SYPL2: variants seen among roughly 807,000 people sequenced by gnomAD.
The protein encoded by SYPL2 is synaptophysin-like protein 2.
Under a neutral mutation model 31.3 loss-of-function variants are expected in SYPL2, and 24 were observed. The ratio of observed to expected loss-of-function variants is 0.77; its 90% CI spans 0.56 to 1.08. The LOEUF (loss-of-function observed/expected upper bound fraction) is 1.08, where lower values mean the gene tolerates loss of function less well. Among genes scored for constraint, SYPL2 ranks in the 50% least tolerant of loss-of-function variants. The probability of loss-of-function intolerance (pLI) is 0.00; values close to 1 mark genes in which losing one functional copy is unlikely to be tolerated. For synonymous variants in SYPL2, 144 were observed against 143.1 expected (o/e 1.01, Z -0.05); for missense variants, 342 against 360.1 (o/e 0.95, Z 0.41).
intron 2 of SYPL2, among the ~76,000 whole-genome samples, chr1:109,472,312 A>G (rs925778342): frequency 2.6e-5 from 4 of 151,328 alleles, no homozygotes; most frequent in African/African-American, 9.7e-5. Flanking sequence ...AAAGTTGGCT[A>G]GTCTCAAACT....
chr1:109,474,430 C>T (rs1655935054), intron 2 of SYPL2, among the ~76,000 whole-genome samples: 4 of 151,090 alleles, frequency 2.6e-5, no homozygotes, highest in African/African-American at 7.3e-5. Flanking sequence ...CTCCGCCTCC[C>T]GGGTTCAAGT....
At chr1:109,473,314 C>T (rs1312300574) in intron 2 of SYPL2, among the ~76,000 whole-genome samples, 2 of 152,158 alleles carry the variant, frequency 1.3e-5, no homozygotes, top group Non-Finnish European at 2.9e-5. Flanking sequence ...GTTTTACTGT[C>T]TTCTTTCCCA....
Position 109,476,976 on chromosome 1 carries a change from TG to T in SYPL2, c.456+1del. The T allele has an allele frequency of 6.2e-7, 1 of 1,614,150 alleles. No homozygotes were observed. The highest frequency in any genetic ancestry group is 8.5e-7 in the Non-Finnish European group (1 of 1,180,026). ...LYTENKRFPL[V>X]DFCVTVSFTF... The stretch of plus-strand genomic sequence containing the variant: ...ACAGAGAACAAACGCTTCCCGCTGG[TG>T]GTGAGTCAGCACAGGCCAGAAGGAA... On this transcript the variant is annotated frameshift_variant and splice_region_variant, in exon 4 of 6. Transcript: ENST00000369872. LOFTEE classifies it high-confidence loss of function.
At chr1:109,470,593 A>G (rs12137189) in intron 2 of SYPL2, among the ~76,000 whole-genome samples, 92,802 of 152,076 alleles carry the variant, frequency 0.61, 31,015 homozygotes, top group East Asian at 0.96. Flanking sequence ...CCCTTGTCTC[A>G]GGTCCTCTAC....
intron 4 of SYPL2, 85 bp from the exon 5 acceptor site, chr1:109,477,733 T>C: frequency 6.6e-7 from 1 of 1,525,418 alleles, no homozygotes; most frequent in Non-Finnish European, 8.8e-7. Flanking sequence ...CACCCTGGGA[T>C]TGCCAGTATC....
At chr1:109,473,258 T>C (rs143462213) in intron 2 of SYPL2, among the ~76,000 whole-genome samples, 2 of 152,288 alleles carry the variant, frequency 1.3e-5, no homozygotes, top group African/African-American at 2.4e-5. Flanking sequence ...ACTGCAGTCT[T>C]CATCATTTAA....
At chr1:109,476,168 G>T (rs949576798) in intron 3 of SYPL2, among the ~76,000 whole-genome samples, 4 of 152,216 alleles carry the variant, frequency 2.6e-5, no homozygotes, top group African/African-American at 9.6e-5. Flanking sequence ...CAGGGAGGTA[G>T]AAGTGATCTC....
chr1:109,475,771 T>C (rs978185897), intron 3 of SYPL2, 66 bp downstream of exon 3: 181 of 1,565,202 alleles, frequency 1.2e-4, no homozygotes, highest in Non-Finnish European at 1.4e-4. Context: ...CTGCTTGGTC[T>C]CTTCCTCCTC....
Position 109,478,167 on chromosome 1 carries a change from C to T in SYPL2, c.648+158C>T. On this transcript the variant is annotated intron_variant, in intron 5 of 5. Transcript: ENST00000369872. The surrounding 1 kb of genome is among the most constrained non-coding windows in gnomAD (Gnocchi z 4.0). ...TGCGCTTCATGCTGGCTGCTGGCTC[C>T]TGGCTGACCCTGAGAGGACATTTTG... The T allele has an allele frequency of 7.0e-7, 1 of 1,424,528 alleles. No homozygotes were observed. The highest frequency in any genetic ancestry group is 1.5e-5 in the South Asian group (1 of 66,764). The allele number at this position is 1,424,528 out of a possible 1,614,324, so 88.2% of individuals were successfully genotyped here. A position where few individuals can be genotyped will look rare whatever the true frequency, so the allele number is the denominator to read the frequency against.
In SYPL2 at chr1:109,474,187, C is replaced by T. The variant is rs558035984; in HGVS notation, c.130-1394C>T. On this transcript the variant is annotated intron_variant, in intron 2 of 5. Coordinates refer to ENST00000369872, the MANE Select transcript of SYPL2 (RefSeq NM_001040709.2). ...GAGAGTGAACAATTAAGAGAATAAG[C>T]TCATTGCTTAATAAGAACATGACAT... is the stretch of plus-strand genomic sequence containing the variant. 2.0e-4 allele frequency among the ~76,000 whole-genome samples: 30 copies of T among 152,262 alleles called. 1 individual carries two copies. The highest frequency in any genetic ancestry group is 3.8e-4 in the Non-Finnish European group (26 of 68,008).
rs956051979 is a variant in SYPL2 at position 109,467,106 on chromosome 1, G to A, written c.102G>A (p.Pro34=). 1.0e-5 allele frequency: 16 copies of A among 1,544,448 alleles called. No individual in the cohort carries two copies. The highest frequency in any genetic ancestry group is 1.2e-5 in the Non-Finnish European group (14 of 1,145,898). ...TGCGCTGGCGGCGGCTGGAGGAGCC[G>A]CTGGGCTTCATCAAAGTTCTCCAGT... The part of the protein sequence containing the change: ...VGLRWRRLEE[P]LGFIKVLQWL... Residue 34 remains proline (P), a synonymous_variant, in exon 2 of 6, where the codon CCG becomes CCA. Coordinates refer to ENST00000369872, the MANE Select transcript of SYPL2 (RefSeq NM_001040709.2).
At chr1:109,473,389 G>A (rs916173623) in intron 2 of SYPL2, among the ~76,000 whole-genome samples, 22 of 152,200 alleles carry the variant, frequency 1.4e-4, no homozygotes, top group African/African-American at 5.1e-4. Context: ...ACAGAGAGGT[G>A]CCCATTATTT....
chr1:109,473,608 A>G (rs1415356237), intron 2 of SYPL2, among the ~76,000 whole-genome samples: 1 of 152,132 alleles, frequency 6.6e-6, no homozygotes, highest in Non-Finnish European at 1.5e-5. Context: ...TCCATTTAAG[A>G]TGAGGAAACA....
At chr1:109,474,149 G>A (rs955066684) in intron 2 of SYPL2, among the ~76,000 whole-genome samples, 3 of 152,082 alleles carry the variant, frequency 2.0e-5, no homozygotes, top group Non-Finnish European at 2.9e-5. Flanking sequence ...ACTGAGTCTC[G>A]AAGAAAGATA....
chr1:109,474,301 CTT>C (rs1369634267), intron 2 of SYPL2, among the ~76,000 whole-genome samples: 51 of 145,762 alleles, frequency 3.5e-4, no homozygotes, highest in African/African-American at 1.2e-3. Flanking sequence ...ACCTCCTTTT[CTT>C]TTTTCTTTTC....
At chr1:109,474,741 A>T (rs1655947030) in intron 2 of SYPL2, among the ~76,000 whole-genome samples, 1 of 152,210 alleles carries the variant, frequency 6.6e-6, no homozygotes, top group Admixed American at 6.5e-5. Context: ...GTGTAGTAAA[A>T]TGTGAGGAAA....
chr1:109,473,893 TA>T (rs5776978), intron 2 of SYPL2, among the ~76,000 whole-genome samples: 147 of 138,296 alleles, frequency 1.1e-3, no homozygotes, highest in Non-Finnish European at 8.4e-4. Context: ...AGACTCCATC[TA>T]AAAAAAAAAA....
At chr1:109,475,838 A>G in intron 3 of SYPL2, 133 bp downstream of exon 3, 1 of 1,330,850 alleles carries the variant, frequency 7.5e-7, no homozygotes, top group Non-Finnish European at 1.0e-6. Flanking sequence ...GAATGACAAA[A>G]CTTAGATCCT....
chr1:109,467,464 T>G, intron 2 of SYPL2, among the ~76,000 whole-genome samples: 1 of 151,694 alleles, frequency 6.6e-6, no homozygotes, highest in Admixed American at 6.6e-5. Context: ...CACTCCTTGG[T>G]GACGGGAGGG....
Sources: allele counts gnomAD v4.1 joint callset (sites outside exome capture counted in the v4.1 genomes callset), GRCh38; gene constraint gnomAD v4.1.1; non-coding constraint Gnocchi (gnomAD v3.1); transcripts MANE v1.5; gene names NCBI Gene and HGNC (gene_info 2026-07-23, HGNC 2026-07-21).